The following FGF5 variants were observed in gnomAD, a reference collection of about 807,000 sequenced individuals.
FGF5 encodes the protein heparin-binding growth factor 5.
Under a neutral mutation model 21.8 loss-of-function variants are expected in FGF5, and 23 were observed. The observed-to-expected ratio is 1.05, with a 90% confidence interval of 0.76 to 1.49. FGF5 has a LOEUF of 1.49. FGF5 is among the 40% of genes most tolerant of loss of function. The pLI, the probability that FGF5 is intolerant of heterozygous loss-of-function variation, is 0.00. For synonymous variants in FGF5, 158 were observed against 124.0 expected (o/e 1.27, Z -1.82); for missense variants, 352 against 332.9 (o/e 1.06, Z -0.45).
chr4:80,268,666 G>C, intron 1 of FGF5: 1 of 287,232 alleles, frequency 3.5e-6, no homozygotes, highest in South Asian at 1.3e-4. Context: ...GTCTATGCCC[G>C]CCCCTCTGCG....
chr4:80,283,699 T>C (rs950077390), intron 2 of FGF5, among the ~76,000 whole-genome samples: 1 of 152,150 alleles, frequency 6.6e-6, no homozygotes, highest in African/African-American at 2.4e-5. Context: ...CCGCTGTTTT[T>C]GTGAAACAGA....
intron 2 of FGF5, 63 bp downstream of exon 2, chr4:80,275,075 A>G: frequency 1.5e-6 from 1 of 680,740 alleles, no homozygotes; most frequent in Non-Finnish European, 2.4e-6. Flanking sequence ...GTAAAACAGA[A>G]TAATTTTCCA....
At chr4:80,276,345 A>G (rs186813446) in intron 2 of FGF5, among the ~76,000 whole-genome samples, 147 of 152,246 alleles carry the variant, frequency 9.7e-4, no homozygotes, top group African/African-American at 3.2e-3. Flanking sequence ...GAACTATTAA[A>G]CAATTTACCA....
At chr4:80,285,692 C>T (rs549648704) in intron 2 of FGF5, among the ~76,000 whole-genome samples, 17 of 152,246 alleles carry the variant, frequency 1.1e-4, no homozygotes, top group African/African-American at 3.1e-4. Flanking sequence ...GTTAGTAACT[C>T]GAGTGACTTT....
At chr4:80,278,147 C>A (rs2109924156) in intron 2 of FGF5, among the ~76,000 whole-genome samples, 1 of 152,142 alleles carries the variant, frequency 6.6e-6, no homozygotes, top group Non-Finnish European at 1.5e-5. Context: ...TGTTTGGAAT[C>A]AATTACATTG....
chr4:80,286,456 A>T lies in FGF5; in HGVS notation c.591A>T (p.Lys197Asn). ...ATGTGGCCCTGAATAAAAGAGGAAA[A>T]GCCAAACGAGGGTGCAGCCCCCGGG... ...EWYVALNKRGKAKRGCSPRVK... is the reference protein window; with the variant it reads ...EWYVALNKRGNAKRGCSPRVK... The change falls in exon 3 of 3, where the codon AAA becomes AAT. Residue 197 changes from lysine (K) to asparagine (N), a missense_variant. Coordinates refer to ENST00000312465, the MANE Select transcript of FGF5 (RefSeq NM_004464.4). The T allele has an allele frequency of 1.2e-6, 2 of 1,614,050 alleles. No homozygotes were observed. Among genetic ancestry groups the T allele is most frequent in the Non-Finnish European group, 1.7e-6 (2 of 1,179,986 alleles).
intron 1 of FGF5, among the ~76,000 whole-genome samples, chr4:80,272,410 A>G (rs1720295006): frequency 2.6e-5 from 4 of 152,186 alleles, no homozygotes; most frequent in Admixed American, 2.6e-4. Flanking sequence ...TGTACATAAT[A>G]TATACACAGA....
intron 2 of FGF5, among the ~76,000 whole-genome samples, chr4:80,279,354 A>G (rs966812132): frequency 6.6e-6 from 1 of 152,218 alleles, no homozygotes; most frequent in African/African-American, 2.4e-5. Context: ...TCCACACTTA[A>G]TGTTTAAACA....
chr4:80,274,247 T>C (rs1331586488), intron 1 of FGF5, among the ~76,000 whole-genome samples: 1 of 152,130 alleles, frequency 6.6e-6, no homozygotes, highest in Non-Finnish European at 1.5e-5. Flanking sequence ...TTCATTAATT[T>C]TTTTCTAGGA....
intron 2 of FGF5, among the ~76,000 whole-genome samples, chr4:80,280,768 C>T (rs1200604940): frequency 6.6e-6 from 1 of 152,080 alleles, no homozygotes; most frequent in Admixed American, 6.6e-5. Context: ...GAAAGAAAGT[C>T]ATGCTATACC....
At chr4:80,268,557 G>T in intron 1 of FGF5, 1 of 985,174 alleles carries the variant, frequency 1.0e-6, no homozygotes, top group Non-Finnish European at 1.2e-6. Context: ...GGGGTCGGAG[G>T]CGCGCAAGTG....
Position 80,286,793 on chromosome 4 carries a change from C to A in FGF5, c.*121C>A, listed in dbSNP as rs1336390255. 2 of 718,218 alleles carry A rather than the reference C, an allele frequency of 2.8e-6. No individual in the cohort carries two copies. The highest frequency in any genetic ancestry group is 2.3e-6 in the Non-Finnish European group (1 of 441,492). 44.5% of individuals were successfully genotyped at this position (718,218 alleles called of 1,614,324 possible). ...AGCTATACTTACACTGTATTGAAGT[C>A]ACGTCATTTGTTTCAATGTGACTGA... is the stretch of plus-strand genomic sequence containing the variant. On this transcript the variant is annotated 3_prime_UTR_variant, in exon 3 of 3. Coordinates refer to ENST00000312465, the MANE Select transcript of FGF5 (RefSeq NM_004464.4).
chr4:80,272,816 CTTCT>C (rs958519318), intron 1 of FGF5, among the ~76,000 whole-genome samples: 2 of 152,052 alleles, frequency 1.3e-5, no homozygotes, highest in East Asian at 1.9e-4. Context: ...ATACAATTTC[CTTCT>C]TTCTTTCTTT....
At chr4:80,268,318 C>G (rs567573281) in intron 1 of FGF5, 2 of 233,384 alleles carry the variant, frequency 8.6e-6, no homozygotes, top group South Asian at 1.5e-4. Context: ...AGGCAGAGCC[C>G]CAGCCAGGGC....
chr4:80,282,803 T>C (rs1385645920), intron 2 of FGF5, among the ~76,000 whole-genome samples: 2 of 152,158 alleles, frequency 1.3e-5, no homozygotes, highest in Middle Eastern at 3.4e-3. Context: ...TCTAGAAAAA[T>C]AATGGAGTTC....
At chr4:80,268,777 C>T (rs1720188434) in intron 1 of FGF5, among the ~76,000 whole-genome samples, 1 of 152,222 alleles carries the variant, frequency 6.6e-6, no homozygotes, top group Admixed American at 6.5e-5. Context: ...CGCACACGCA[C>T]CAGCGAGTCC....
intron 2 of FGF5, among the ~76,000 whole-genome samples, chr4:80,286,016 T>C (rs1720705404): frequency 1.3e-5 from 2 of 152,190 alleles, no homozygotes; most frequent in Non-Finnish European, 2.9e-5. Context: ...TTTCAAAGTA[T>C]TTAAACAATA....
Position 80,290,082 on chromosome 4 carries a change from T to C in FGF5, c.*3410T>C, listed in dbSNP as rs36028972. 2.4e-4 allele frequency: 37 copies of C among 152,212 alleles called. 1 individual carries two copies. The highest frequency in any genetic ancestry group is 6.5e-4 in the Admixed American group (10 of 15,284). 9.4% of individuals were successfully genotyped at this position (152,212 alleles called of 1,614,324 possible). On this transcript the variant is annotated 3_prime_UTR_variant, in exon 3 of 3. Coordinates refer to ENST00000312465, the MANE Select transcript of FGF5 (RefSeq NM_004464.4). Reference sequence around the variant, plus strand: ...CATTTTCAATAACAAAACGAAACTATGGCACTAACCAAAAACTTGCATTCT... The same window carrying C: ...CATTTTCAATAACAAAACGAAACTACGGCACTAACCAAAAACTTGCATTCT...
In FGF5 at chr4:80,288,654, T is replaced by C. The variant is rs1292771801; in HGVS notation, c.*1982T>C. On this transcript the variant is annotated 3_prime_UTR_variant, in exon 3 of 3. Coordinates refer to ENST00000312465, the MANE Select transcript of FGF5 (RefSeq NM_004464.4). ...GTATTGTGCACTGTATACCAAGTTC[T>C]TAGGGCACATGAAAAATTTTAGCTG... The C allele has an allele frequency of 6.6e-6, 1 of 152,564 alleles. No homozygotes were observed. The highest frequency in any genetic ancestry group is 1.5e-5 in the Non-Finnish European group (1 of 68,036). The allele number at this position is 152,564 out of a possible 1,614,324, so 9.5% of individuals were successfully genotyped here.
Sources: allele counts gnomAD v4.1 joint callset (sites outside exome capture counted in the v4.1 genomes callset), GRCh38; gene constraint gnomAD v4.1.1; transcripts MANE v1.5; gene names NCBI Gene and HGNC (gene_info 2026-07-23, HGNC 2026-07-21).